PHKB: variants seen among roughly 807,000 people sequenced by gnomAD.
PHKB encodes the protein phosphorylase kinase regulatory subunit beta.
PHKB carries 122 observed loss-of-function variants against 152.1 expected under a neutral mutation model. That is an observed-to-expected ratio of 0.80 (90% CI 0.69 to 0.93). The LOEUF (loss-of-function observed/expected upper bound fraction) is 0.93. Ranked by LOEUF, PHKB falls within the 40% of genes least tolerant of loss-of-function variation. The pLI, the probability that PHKB is intolerant of heterozygous loss-of-function variation, is 0.00. For synonymous variants in PHKB, 436 were observed against 464.9 expected (o/e 0.94, Z 0.80); for missense variants, 1,304 against 1,328.4 (o/e 0.98, Z 0.29).
chr16:47,504,883 C>T (rs1273107651), intron 4 of PHKB, among the ~76,000 whole-genome samples: 3 of 152,226 alleles, frequency 2.0e-5, no homozygotes, highest in East Asian at 1.9e-4. Flanking sequence ...TCACCCAGGG[C>T]GGTGCCCCAG....
chr16:47,615,268 A>G (rs1266542993), intron 14 of PHKB, among the ~76,000 whole-genome samples: 1 of 151,830 alleles, frequency 6.6e-6, no homozygotes, highest in Admixed American at 6.6e-5. Context: ...ATTGCTTTGA[A>G]CCCTCTGCAG....
At chr16:47,678,351 T>A (rs1168603698) in intron 26 of PHKB, among the ~76,000 whole-genome samples, 1 of 152,228 alleles carries the variant, frequency 6.6e-6, no homozygotes, top group East Asian at 1.9e-4. Flanking sequence ...CCACACTGAC[T>A]TCCACAATGG....
intron 30 of PHKB, among the ~76,000 whole-genome samples, 170 bp downstream of exon 30, chr16:47,698,758 C>T (rs540103669): frequency 1.1e-4 from 16 of 151,898 alleles, no homozygotes; most frequent in Non-Finnish European, 2.2e-4. Flanking sequence ...TGTTACTTTT[C>T]AGTTAATTAC....
intron 14 of PHKB, among the ~76,000 whole-genome samples, chr16:47,624,405 C>T (rs1972672718): frequency 6.6e-6 from 1 of 152,150 alleles, no homozygotes. Flanking sequence ...CTTCCTTGTA[C>T]TTAAGTCAAA....
rs796248028 is a variant in PHKB at position 47,685,475 on chromosome 16, TA to T, written c.2631-3565del. 8.3e-4 allele frequency among the ~76,000 whole-genome samples: 126 copies of T among 152,310 alleles called. 1 individual carries two copies. Among genetic ancestry groups the T allele is most frequent in the African/African-American group, 2.9e-3 (120 of 41,590 alleles). ...GTGCTAAAATTATCAAATCAGATTT[TA>T]TGGCCTTGTCATTGGGAATGAGGGA... On this transcript the variant is annotated intron_variant, in intron 26 of 30. Transcript: ENST00000323584.
At chr16:47,694,092 G>A (rs1459495718) in intron 28 of PHKB, among the ~76,000 whole-genome samples, 3 of 152,216 alleles carry the variant, frequency 2.0e-5, no homozygotes, top group African/African-American at 7.2e-5. Flanking sequence ...TGTGTTGAAT[G>A]TGGAAAATGC....
rs548769555 is a variant in PHKB, at chr16:47,584,058, GA to G, written c.775-3600del. Among the ~76,000 whole-genome samples the G allele has an allele frequency of 5.8e-4, 83 of 143,412 alleles. 1 individual carries two copies. The highest frequency in any genetic ancestry group is 2.0e-3 in the South Asian group (9 of 4,530). The allele number at this position is 143,412 out of a possible 152,430, so 94.1% of individuals were successfully genotyped here. A position where few individuals can be genotyped will look rare whatever the true frequency, so the allele number is the denominator to read the frequency against. ...TTCCAATAATAACTTATTATTCAAG[GA>G]AAAAAAAAACACTTTAAATCTTTTT... On this transcript the variant is annotated intron_variant, in intron 8 of 30. Coordinates refer to ENST00000323584, the MANE Select transcript of PHKB (RefSeq NM_000293.3).
At chr16:47,552,937 C>A (rs565012071) in intron 7 of PHKB, among the ~76,000 whole-genome samples, 1 of 152,104 alleles carries the variant, frequency 6.6e-6, no homozygotes, top group African/African-American at 2.4e-5. Context: ...TTGTGGGTAA[C>A]CCAACCTTTC....
intron 14 of PHKB, among the ~76,000 whole-genome samples, chr16:47,633,536 A>C (rs2151722154): frequency 6.6e-6 from 1 of 152,312 alleles, no homozygotes; most frequent in South Asian, 2.1e-4. Flanking sequence ...AGTGCCAGCT[A>C]TTCCTAGTAG....
chr16:47,594,299 A>G (rs1216192602), intron 12 of PHKB, 85 bp downstream of exon 12: 9 of 743,994 alleles, frequency 1.2e-5, no homozygotes, highest in Non-Finnish European at 2.2e-5. Context: ...TTTGTAAAAA[A>G]CAATAATTTG....
chr16:47,472,755 C>T (rs534990345), intron 1 of PHKB, among the ~76,000 whole-genome samples: 13 of 152,026 alleles, frequency 8.6e-5, no homozygotes, highest in African/African-American at 3.1e-4. Flanking sequence ...GCACTCCAGC[C>T]TGGGCGACAG....
intron 7 of PHKB, among the ~76,000 whole-genome samples, chr16:47,556,629 A>T (rs1206119070): frequency 6.6e-6 from 1 of 152,196 alleles, no homozygotes; most frequent in African/African-American, 2.4e-5. Context: ...CCACTTGATC[A>T]TGGTGGATAA....
At chr16:47,613,719 A>G (rs1220210870) in intron 14 of PHKB, among the ~76,000 whole-genome samples, 3 of 152,196 alleles carry the variant, frequency 2.0e-5, no homozygotes, top group South Asian at 2.1e-4. Context: ...GTACCATCCC[A>G]TATCACCATA....
At chr16:47,565,399 TG>T in intron 7 of PHKB, 1 of 1,142,128 alleles carries the variant, frequency 8.8e-7, no homozygotes, top group South Asian at 1.2e-5. Flanking sequence ...CCCCACCACT[TG>T]TAGGGATTGC....
intron 14 of PHKB, among the ~76,000 whole-genome samples, chr16:47,633,597 C>T (rs1267763487): frequency 6.6e-6 from 1 of 151,982 alleles, no homozygotes; most frequent in Non-Finnish European, 1.5e-5. Flanking sequence ...TGGGAGGAGA[C>T]TAGGTTAAAA....
chr16:47,640,218 A>G (rs1424214121), intron 14 of PHKB, among the ~76,000 whole-genome samples: 7 of 152,220 alleles, frequency 4.6e-5, no homozygotes, highest in Non-Finnish European at 5.9e-5. Flanking sequence ...TGATAAATCA[A>G]ATATTTTACA....
At chr16:47,673,950 C>G (rs1973681351) in intron 26 of PHKB, among the ~76,000 whole-genome samples, 1 of 152,164 alleles carries the variant, frequency 6.6e-6, no homozygotes, top group Non-Finnish European at 1.5e-5. Context: ...CCAGGTCTGC[C>G]TGACTCCAGT....
intron 4 of PHKB, among the ~76,000 whole-genome samples, chr16:47,507,074 A>G (rs1275007162): frequency 6.6e-6 from 1 of 152,082 alleles, no homozygotes; most frequent in African/African-American, 2.4e-5. Flanking sequence ...CCCAGGCTCA[A>G]TCAACCCTCC....
At chr16:47,684,715 C>T (rs1046358201) in intron 26 of PHKB, among the ~76,000 whole-genome samples, 3 of 151,662 alleles carry the variant, frequency 2.0e-5, no homozygotes, top group Admixed American at 6.6e-5. Flanking sequence ...TGCAGTGAGC[C>T]GAGATCATGC....
Sources: gnomAD v4.1 joint callset for allele counts (sites outside exome capture counted in the v4.1 genomes callset) on GRCh38, gnomAD v4.1.1 for gene constraint, MANE v1.5 for transcripts, NCBI Gene and HGNC (gene_info 2026-07-23, HGNC 2026-07-21) for gene names.